MX1: variants seen among roughly 807,000 people sequenced by gnomAD.
MX1 encodes MX dynamin like GTPase 1, also known as interferon-induced GTP-binding protein Mx1.
In MX1, 66 loss-of-function variants were observed where a neutral mutation model predicts 66.4. The ratio of observed to expected loss-of-function variants is 0.99; its 90% CI spans 0.82 to 1.22. MX1 has a LOEUF of 1.22. Ranked by LOEUF, MX1 falls within the 50% of genes most tolerant of loss-of-function variation. The pLI, the probability that MX1 is intolerant of heterozygous loss-of-function variation, is 0.00. For missense variants in MX1, 787 were observed against 834.3 expected (o/e 0.94, Z 0.70); for synonymous variants, 311 against 318.1 (o/e 0.98, Z 0.24).
At chr21:41,443,479 A>G in intron 10 of MX1, 1 of 339,964 alleles carries the variant, frequency 2.9e-6, no homozygotes, top group Non-Finnish European at 5.5e-6. Flanking sequence ...GGTATGTGTT[A>G]TAAAAACATA....
At position 41,435,957 on chromosome 21, in the gene MX1, A is replaced by T. The variant is rs200341832; in HGVS notation, c.226A>T (p.Ile76Phe). 6.2e-7 allele frequency: 1 copy of T among 1,614,246 alleles called. No individual in the cohort carries two copies. The highest frequency in any genetic ancestry group is 8.5e-7 in the Non-Finnish European group (1 of 1,180,046). Residue 76 changes from isoleucine to phenylalanine, a missense_variant, in exon 6 of 17, where the codon ATC becomes TTC. Physicochemically the swap from Ile to Phe is conservative, Grantham distance 21 (BLOSUM62 0). Coordinates refer to ENST00000398598, the MANE Select transcript of MX1 (RefSeq NM_002462.5). ...CCTGGCCCTGCCAGCCATCGCCGTC[A>T]TCGGGGACCAGAGCTCGGGCAAGAG... Reference protein sequence around the residue: ...QDLALPAIAVIGDQSSGKSSV... With the variant: ...QDLALPAIAVFGDQSSGKSSV...
At chr21:41,453,152 G>A (rs1464281445) in intron 16 of MX1, among the ~76,000 whole-genome samples, 10 of 152,160 alleles carry the variant, frequency 6.6e-5, no homozygotes, top group African/African-American at 1.9e-4. Context: ...ACCTGGCGGC[G>A]GTGGCAAGAG....
intron 5 of MX1, among the ~76,000 whole-genome samples, chr21:41,433,985 G>A (rs2090293407): frequency 6.6e-6 from 1 of 152,200 alleles, no homozygotes; most frequent in Non-Finnish European, 1.5e-5. Flanking sequence ...GAGACATCTT[G>A]GTTGTCACAA....
intron 8 of MX1, 139 bp downstream of exon 8, chr21:41,439,987 G>A: frequency 1.1e-6 from 1 of 896,758 alleles, no homozygotes; most frequent in East Asian, 2.7e-5. Context: ...GGAGGTGTGA[G>A]TGGGGAATTT....
At chr21:41,437,240 C>T (rs1374255539) in intron 7 of MX1, 88 bp downstream of exon 7, 5 of 1,478,822 alleles carry the variant, frequency 3.4e-6, no homozygotes, top group African/African-American at 1.4e-5. Context: ...CCTCCCTGGG[C>T]CTGTGCTGTC....
chr21:41,455,274 C>T (rs1480910418), intron 16 of MX1, among the ~76,000 whole-genome samples: 2 of 152,156 alleles, frequency 1.3e-5, no homozygotes, highest in Non-Finnish European at 2.9e-5. Flanking sequence ...CTTGGAGGAG[C>T]AAGGCTCTAA....
intron 5 of MX1, among the ~76,000 whole-genome samples, chr21:41,433,175 AG>A (rs1474207990): frequency 7.2e-5 from 11 of 152,200 alleles, no homozygotes; most frequent in African/African-American, 2.4e-4. Context: ...CCAGCCCATT[AG>A]CATCACCTGG....
In MX1 at chr21:41,441,359, G is replaced by A; in HGVS notation, c.730+334G>A. ...TCTACTTGCTCAGAAAGGCACAGTG[G>A]GCTCGGAAGCAGGTCAAACTCAGGA... On this transcript the variant is annotated intron_variant, in intron 9 of 16. Coordinates refer to ENST00000398598, the MANE Select transcript of MX1 (RefSeq NM_002462.5). This position sits in a 1 kb window ranked among gnomAD's most constrained non-coding sequence, Gnocchi z 4.0. 2.3e-6 allele frequency: 1 copy of A among 431,366 alleles called. No homozygotes were observed. The highest frequency in any genetic ancestry group is 4.3e-6 in the Non-Finnish European group (1 of 231,778). 26.7% of individuals were successfully genotyped at this position (431,366 alleles called of 1,614,324 possible). A position where few individuals can be genotyped will look rare whatever the true frequency, so the allele number is the denominator to read the frequency against.
chr21:41,455,458 A>G (rs2090935704), intron 16 of MX1, among the ~76,000 whole-genome samples: 1 of 152,198 alleles, frequency 6.6e-6, no homozygotes, highest in Non-Finnish European at 1.5e-5. Context: ...GGTGAGGCAT[A>G]TACATGCACA....
intron 16 of MX1, among the ~76,000 whole-genome samples, chr21:41,454,841 C>A (rs536300261): frequency 6.6e-6 from 1 of 152,176 alleles, no homozygotes; most frequent in South Asian, 2.1e-4. Flanking sequence ...AGCACAGAGG[C>A]CTCCTGGGAT....
At chr21:41,426,526 C>G (rs913543251) in intron 1 of MX1, 6 of 151,904 alleles carry the variant, frequency 3.9e-5, no homozygotes, top group Admixed American at 3.9e-4. Context: ...CCCCCTAACC[C>G]GCGGCCTTCC....
In MX1 at chr21:41,441,129, C is replaced by T. The variant is rs1462367385; in HGVS notation, c.730+104C>T. The T allele has an allele frequency of 7.8e-6, 9 of 1,149,366 alleles. No individual in the cohort carries two copies. 71.2% of individuals were successfully genotyped at this position (1,149,366 alleles called of 1,614,324 possible). On this transcript the variant is annotated intron_variant, in intron 9 of 16. Coordinates refer to ENST00000398598, the MANE Select transcript of MX1 (RefSeq NM_002462.5). The surrounding 1 kb of genome is among the most constrained non-coding windows in gnomAD (Gnocchi z 4.0). ...CTGTGCTCGGTGAGAATGGGGGAGC[C>T]CGCCTGTGCTCGGTGAGAATGGGGG...
intron 6 of MX1, among the ~76,000 whole-genome samples, chr21:41,436,377 C>T (rs1475761032): frequency 6.6e-6 from 1 of 152,258 alleles, no homozygotes; most frequent in Non-Finnish European, 1.5e-5. Flanking sequence ...GGGGTTAGGG[C>T]TTCAACATAG....
chr21:41,432,996 G>A (rs1019278828), intron 5 of MX1, among the ~76,000 whole-genome samples: 1 of 152,228 alleles, frequency 6.6e-6, no homozygotes, highest in African/African-American at 2.4e-5. Context: ...CTGGCTGTAA[G>A]AGATGTAATT....
At chr21:41,430,638 A>G (rs1032948856) in intron 4 of MX1, 30 bp downstream of exon 4, 1 of 152,204 alleles carries the variant, frequency 6.6e-6, no homozygotes, top group Non-Finnish European at 1.5e-5. Flanking sequence ...TTTCTGTAAC[A>G]TTTATTTTGA....
At chr21:41,428,812 T>C (rs2090135414) in intron 3 of MX1, 1 of 152,268 alleles carries the variant, frequency 6.6e-6, no homozygotes, top group South Asian at 2.1e-4. Context: ...ATGGGCTTAA[T>C]GCTACCTAGT....
rs2090487157 is a variant in MX1, at chr21:41,440,910, C to T, written c.615C>T (p.Tyr205=). The T allele has an allele frequency of 6.2e-7, 1 of 1,614,192 alleles. No homozygotes were observed. Among genetic ancestry groups the T allele is most frequent in the East Asian group, 2.2e-5 (1 of 44,878 alleles). The part of the protein sequence containing the change: ...GYKIKTLIKK[Y]IQRQETISLV... ...AGATCAAGACACTCATCAAGAAGTA[C>T]ATCCAGAGGCAGGAGACAATCAGCC... The change falls in exon 9 of 17, where the codon TAC becomes TAT. Residue 205 remains tyrosine (Y), a synonymous_variant. Coordinates refer to ENST00000398598, the MANE Select transcript of MX1 (RefSeq NM_002462.5).
At chr21:41,442,004 G>GGGGTGT in intron 10 of MX1, 90 bp downstream of exon 10, 1 of 957,792 alleles carries the variant, frequency 1.0e-6, no homozygotes, top group Non-Finnish European at 1.6e-6. Flanking sequence ...ACAGATGTGT[G>GGGGTGT]GAGTGTGTGT....
intron 10 of MX1, 167 bp from the exon 11 acceptor site, chr21:41,443,621 A>G: frequency 1.5e-6 from 1 of 669,572 alleles, no homozygotes. Context: ...AAATTCAGTC[A>G]TAATCCTATT....
Sources: allele counts gnomAD v4.1 joint callset (sites outside exome capture counted in the v4.1 genomes callset), GRCh38; gene constraint gnomAD v4.1.1; non-coding constraint Gnocchi (gnomAD v3.1); transcripts MANE v1.5; gene names NCBI Gene and HGNC (gene_info 2026-07-23, HGNC 2026-07-21).